REV3L: variants seen among roughly 807,000 people sequenced by gnomAD.
REV3L encodes REV3 like, DNA directed polymerase zeta catalytic subunit.
A neutral mutation model predicts 299.4 loss-of-function variants in REV3L; 69 were observed. The ratio of observed to expected loss-of-function variants is 0.23; its 90% CI spans 0.19 to 0.28. REV3L has a LOEUF of 0.28. Among genes scored for constraint, REV3L ranks in the 10% least tolerant of loss-of-function variants. The probability of loss-of-function intolerance (pLI) is 1.00; values close to 1 mark genes in which losing one functional copy is unlikely to be tolerated. For synonymous variants in REV3L, 1,238 were observed against 1,271.4 expected, an observed-to-expected ratio of 0.97 and a Z score of 0.56; for missense variants, 3,128 against 3,693.8, an observed-to-expected ratio of 0.85 and a Z score of 3.97.
chr6:111,429,872 G>A (rs1480051783), intron 1 of REV3L, among the ~76,000 whole-genome samples: 2 of 152,082 alleles, frequency 1.3e-5, no homozygotes, highest in African/African-American at 4.8e-5. Flanking sequence ...CCTCTACCAG[G>A]AGTATGTAGA....
chr6:111,327,878 C>T (rs1430357828), intron 25 of REV3L, among the ~76,000 whole-genome samples: 2 of 152,170 alleles, frequency 1.3e-5, no homozygotes, highest in African/African-American at 4.8e-5. Flanking sequence ...TATGCCACTA[C>T]TGCCTTGCTC....
chr6:111,445,189 C>G (rs1261444088), intron 1 of REV3L, among the ~76,000 whole-genome samples: 2 of 152,082 alleles, frequency 1.3e-5, no homozygotes, highest in Non-Finnish European at 2.9e-5. Context: ...AAAGTGTTAA[C>G]AAGAATGCAG....
intron 27 of REV3L, 21 bp downstream of exon 27, chr6:111,315,246 C>A: frequency 6.5e-7 from 1 of 1,534,978 alleles, no homozygotes; most frequent in Non-Finnish European, 9.0e-7. Context: ...TATGTAATTA[C>A]TAATATTACA....
At position 111,376,428 on chromosome 6, in the gene REV3L, C is replaced by T; in HGVS notation, c.1927G>A (p.Glu643Lys). ...STVHSENSHK[E>K]NSKKEILPVS... ...GGGAGGATCTCTTTCTTACTATTCT[C>T]TTTATGAGAATTTTCTGAATGAACA... Residue 643 changes from glutamate (E) to lysine (K), a missense_variant, in exon 13 of 32, where the codon GAG becomes AAG. By Grantham distance (56) the Glu-to-Lys change is moderately conservative. This residue lies in a region of REV3L where 2,409 missense variants were observed against 2,611.8 expected (regional missense o/e 0.92). Transcript: ENST00000368802. The T allele has an allele frequency of 6.2e-7, 1 of 1,607,558 alleles. No homozygotes were observed. Among genetic ancestry groups the T allele is most frequent in the Non-Finnish European group, 8.5e-7 (1 of 1,174,088 alleles).
At chr6:111,470,194 ACACACACACACACACAC>A (rs1562363347) in intron 1 of REV3L, among the ~76,000 whole-genome samples, 2 of 149,654 alleles carry the variant, frequency 1.3e-5, no homozygotes, top group Admixed American at 1.3e-4. Flanking sequence ...ACACACACAC[ACACACACACACACACAC>A]AAATGTGAAT....
chr6:111,384,072 C>G (rs1781097410), intron 9 of REV3L, among the ~76,000 whole-genome samples: 1 of 152,172 alleles, frequency 6.6e-6, no homozygotes, highest in South Asian at 2.1e-4. Context: ...AAACTAGACC[C>G]TGATCTCTCC....
intron 26 of REV3L, among the ~76,000 whole-genome samples, chr6:111,319,011 T>G (rs1036394522): frequency 6.6e-6 from 1 of 152,112 alleles, no homozygotes; most frequent in Non-Finnish European, 1.5e-5. Context: ...AAGATAACTT[T>G]TTAGGGTGAT....
chr6:111,366,761 G>T (rs1258148607), intron 14 of REV3L, among the ~76,000 whole-genome samples: 1 of 152,148 alleles, frequency 6.6e-6, no homozygotes, highest in Non-Finnish European at 1.5e-5. Context: ...TTGAAGGGGA[G>T]GAGAAAGAGT....
intron 1 of REV3L, among the ~76,000 whole-genome samples, chr6:111,472,524 CAAATTCTTAGTATT>C (rs1792363378): frequency 6.7e-6 from 1 of 150,316 alleles, no homozygotes; most frequent in South Asian, 2.1e-4. Flanking sequence ...AAATTGAGCT[CAAATTCTTAGTATT>C]TCCCAAAACT....
chr6:111,434,019 CCCT>C (rs1448870236), intron 1 of REV3L, among the ~76,000 whole-genome samples: 1 of 152,078 alleles, frequency 6.6e-6, no homozygotes, highest in African/African-American at 2.4e-5. Flanking sequence ...ATGATAAAAA[CCCT>C]CAACAAAGGA....
At chr6:111,339,358 A>G (rs1776254698) in intron 21 of REV3L, among the ~76,000 whole-genome samples, 1 of 152,114 alleles carries the variant, frequency 6.6e-6, no homozygotes, top group South Asian at 2.1e-4. Flanking sequence ...AGAACCTGAG[A>G]TTTTGGCCAA....
intron 1 of REV3L, among the ~76,000 whole-genome samples, chr6:111,452,076 T>A (rs1175947531): frequency 1.3e-5 from 2 of 150,696 alleles, no homozygotes; most frequent in African/African-American, 5.0e-5. Context: ...CCAAAGAAGA[T>A]ATGTGAATGG....
Position 111,300,125 on chromosome 6 carries a change from C to T in REV3L, c.9284G>A (p.Arg3095Gln), listed in dbSNP as rs199720308. 35 of 1,612,106 alleles carry T rather than the reference C, an allele frequency of 2.2e-5. No homozygotes were observed. The highest frequency in any genetic ancestry group is 4.5e-5 in the East Asian group (2 of 44,764). The change falls in exon 32 of 32, where the codon CGA (arginine) becomes CAA (glutamine). Residue 3095 changes from arginine (R) to glutamine (Q), a missense_variant. By Grantham distance (43) the Arg-to-Gln change is conservative (BLOSUM62 1). Coordinates refer to ENST00000368802, the MANE Select transcript of REV3L (RefSeq NM_001372078.1). ...ICKNCTGCFDRHIPCVSLNCP... is the reference protein window; with the variant it reads ...ICKNCTGCFDQHIPCVSLNCP... Reference sequence around the variant, plus strand: ...GTTCAGAGAAACACATGGGATGTGTCGATCAAAGCAACCTGTACAGTTCTT... The same window carrying T: ...GTTCAGAGAAACACATGGGATGTGTTGATCAAAGCAACCTGTACAGTTCTT...
At chr6:111,470,560 C>T (rs1047509033) in intron 1 of REV3L, among the ~76,000 whole-genome samples, 1 of 152,118 alleles carries the variant, frequency 6.6e-6, no homozygotes, top group Non-Finnish European at 1.5e-5. Context: ...AGTAAAATGA[C>T]GTAAAATTAA....
intron 24 of REV3L, chr6:111,330,245 C>G: frequency 4.4e-6 from 2 of 452,632 alleles, no homozygotes; most frequent in Non-Finnish European, 8.9e-6. Flanking sequence ...GTTCCAGGGA[C>G]TCTAGGTATT....
chr6:111,300,769 AT>A (rs1771407935), intron 31 of REV3L, among the ~76,000 whole-genome samples: 1 of 152,162 alleles, frequency 6.6e-6, no homozygotes, highest in African/African-American at 2.4e-5. Flanking sequence ...TAATCTTTTA[AT>A]TCCGTCATCT....
At position 111,307,661 on chromosome 6, in the gene REV3L, ATTCATTCG is replaced by A. The variant is rs1772471604; in HGVS notation, c.9043-99_9043-92del. On this transcript the variant is annotated intron_variant, in intron 30 of 31. Transcript: ENST00000368802. Reference sequence around the variant, plus strand: ...TAATTACAGGTTTACTCAGGCATTCATTCATTCGTTCATTCACTCATTCAACAAATGTT... The same window carrying A: ...TAATTACAGGTTTACTCAGGCATTCATTCATTCACTCATTCAACAAATGTT... 18 of 1,216,350 alleles carry A rather than the reference ATTCATTCG, an allele frequency of 1.5e-5. No homozygotes were observed. In the South Asian group the frequency reaches 1.6e-4, roughly 11 times the overall value. The allele number at this position is 1,216,350 out of a possible 1,614,324, so 75.3% of individuals were successfully genotyped here. A position where few individuals can be genotyped will look rare whatever the true frequency, so the allele number is the denominator to read the frequency against.
chr6:111,426,048 C>G (rs960730939), intron 1 of REV3L, among the ~76,000 whole-genome samples: 1 of 152,158 alleles, frequency 6.6e-6, no homozygotes, highest in Non-Finnish European at 1.5e-5. Flanking sequence ...AATGAGATGA[C>G]TGGTAGCTGG....
intron 19 of REV3L, among the ~76,000 whole-genome samples, chr6:111,349,674 C>T (rs1444722529): frequency 2.0e-5 from 3 of 152,142 alleles, no homozygotes; most frequent in South Asian, 2.1e-4. Flanking sequence ...ACAAGCAATC[C>T]GCCTGCCTCA....
Sources: gnomAD v4.1 joint callset for allele counts (sites outside exome capture counted in the v4.1 genomes callset) on GRCh38, gnomAD v4.1.1 for gene constraint, gnomAD v4.1.1 regional missense constraint, MANE v1.5 for transcripts, NCBI Gene and HGNC (gene_info 2026-07-23, HGNC 2026-07-21) for gene names.